The following VPREB3 variants were observed in gnomAD, a reference collection of about 807,000 sequenced individuals.
VPREB3 encodes the protein pre-B lymphocyte protein 3.
A neutral mutation model predicts 12.9 loss-of-function variants in VPREB3; 14 were observed. The ratio of observed to expected loss-of-function variants is 1.09; its 90% CI spans 0.72 to 1.70. The LOEUF is 1.70. Among genes scored for constraint, VPREB3 ranks in the 40% most tolerant of loss-of-function variants. The pLI is 0.00. For synonymous variants in VPREB3, 78 were observed against 70.1 expected, an observed-to-expected ratio of 1.11 and a Z score of -0.56; for missense variants, 165 against 159.6, an observed-to-expected ratio of 1.03 and a Z score of -0.18.
intron 1 of VPREB3, among the ~76,000 whole-genome samples, chr22:23,753,790 T>G: frequency 6.6e-6 from 1 of 152,118 alleles, no homozygotes; most frequent in East Asian, 1.9e-4. Flanking sequence ...GCTCTAGTGA[T>G]CTGGTCATTC....
intron 1 of VPREB3, among the ~76,000 whole-genome samples, chr22:23,753,739 C>G (rs1445797084): frequency 6.6e-6 from 1 of 152,186 alleles, no homozygotes; most frequent in Non-Finnish European, 1.5e-5. Flanking sequence ...ATAGCTTCCC[C>G]TGTGAAAAAC....
chr22:23,753,012 CGGTGGT>C lies in VPREB3; in HGVS notation c.230_235del (p.His77_His78del), dbSNP rs1569137832. On this transcript the variant is annotated inframe_deletion, in exon 2 of 2. Coordinates refer to ENST00000248948, the MANE Select transcript of VPREB3 (RefSeq NM_013378.3). ...GAATCGATCGGGGATGTCAGCAGGC[CGGTGGT>C]GATCCTCCTCCGAGCGGTAGTAGAG... The C allele has an allele frequency of 1.2e-6, 2 of 1,614,020 alleles. No homozygotes were observed. The highest frequency in any genetic ancestry group is 2.7e-5 in the African/African-American group (2 of 74,894).
At chr22:23,753,295 G>A (rs1327004399) in intron 1 of VPREB3, 97 bp from the exon 2 acceptor site, 10 of 1,277,822 alleles carry the variant, frequency 7.8e-6, no homozygotes. Flanking sequence ...AGTCCCAAAG[G>A]GCTCATAGCC....
chr22:23,753,097 C>T lies in VPREB3; in HGVS notation c.151G>A (p.Asp51Asn). 1 of 1,614,112 alleles carries T rather than the reference C, an allele frequency of 6.2e-7. No individual in the cohort carries two copies. Among genetic ancestry groups the T allele is most frequent in the Non-Finnish European group, 8.5e-7 (1 of 1,180,000 alleles). Residue 51 changes from aspartate (D) to asparagine (N), a missense_variant, in exon 2 of 2, where the codon GAC (aspartate) becomes AAC (asparagine). Physicochemically the swap from Asp to Asn is conservative, Grantham distance 23 (BLOSUM62 1). Transcript: ENST00000248948. ...TGCTGGTACCAGGACACACCGTAGTCCCTGATGGTGACGTGCTGGGGGCTG... is the reference window on the plus strand; with the variant it reads ...TGCTGGTACCAGGACACACCGTAGTTCCTGATGGTGACGTGCTGGGGGCTG... ...TLSPQHVTIR[D>N]YGVSWYQQRA...
At chr22:23,753,351 C>A (rs989987602) in intron 1 of VPREB3, among the ~76,000 whole-genome samples, 153 bp from the exon 2 acceptor site, 1 of 152,112 alleles carries the variant, frequency 6.6e-6, no homozygotes, top group Non-Finnish European at 1.5e-5. Flanking sequence ...AGGCCTGGTT[C>A]TGTGTGACTT....
At chr22:23,753,805 A>G (rs1257222782) in intron 1 of VPREB3, among the ~76,000 whole-genome samples, 1 of 152,168 alleles carries the variant, frequency 6.6e-6, no homozygotes, top group Non-Finnish European at 1.5e-5. Context: ...TCATTCACGA[A>G]TGAGAAAACC....
chr22:23,753,199 C>T lies in VPREB3; in HGVS notation c.50-1G>A. On this transcript the variant is annotated splice_acceptor_variant, in intron 1 of 1. Coordinates refer to ENST00000248948, the MANE Select transcript of VPREB3 (RefSeq NM_013378.3). LOFTEE classifies it high-confidence loss of function. ...AGCTGGGCCAGGACTGTCTGGGAAA[C>T]TGCGAGACACAAACCCACTCAGCCT... The T allele has an allele frequency of 6.3e-7, 1 of 1,582,658 alleles. No individual in the cohort carries two copies. The highest frequency in any genetic ancestry group is 8.6e-7 in the Non-Finnish European group (1 of 1,164,362).
Position 23,753,166 on chromosome 22 carries a change from G to A in VPREB3, c.82C>T (p.Leu28=), listed in dbSNP as rs747194296. 1 of 1,608,432 alleles carries A rather than the reference G, an allele frequency of 6.2e-7. No homozygotes were observed. Among genetic ancestry groups the A allele is most frequent in the South Asian group, 1.1e-5 (1 of 90,156 alleles). ...GCCACTTGGCCTGGGAAGACCAGCA[G>A]TGCATCCAGCTGGGCCAGGACTGTC... ...SQTVLAQLDA[L]LVFPGQVAQL... is the part of the protein sequence containing the mutation. Residue 28 remains leucine (L), a synonymous_variant, in exon 2 of 2, where the codon CTG becomes TTG. Coordinates refer to ENST00000248948, the MANE Select transcript of VPREB3 (RefSeq NM_013378.3).
At position 23,753,029 on chromosome 22, in the gene VPREB3, C is replaced by T. The variant is rs763452984; in HGVS notation, c.219G>A (p.Ser73=). The change falls in exon 2 of 2, where the codon TCG becomes TCA. Residue 73 remains serine (S), a synonymous_variant. Coordinates refer to ENST00000248948, the MANE Select transcript of VPREB3 (RefSeq NM_013378.3). ...CAGCAGGCCGGTGGTGATCCTCCTC[C>T]GAGCGGTAGTAGAGGAGATATCGAG... is the stretch of plus-strand genomic sequence containing the variant. ...SAPRYLLYYR[S]EEDHHRPADI... 12 of 1,613,990 alleles carry T rather than the reference C, an allele frequency of 7.4e-6. No homozygotes were observed. Among genetic ancestry groups the T allele is most frequent in the Middle Eastern group, 1.6e-4 (1 of 6,084 alleles).
chr22:23,752,968 C>T lies in VPREB3; in HGVS notation c.280G>A (p.Ala94Thr). 1 of 1,614,124 alleles carries T rather than the reference C, an allele frequency of 6.2e-7. No individual in the cohort carries two copies. Among genetic ancestry groups the T allele is most frequent in the Non-Finnish European group, 8.5e-7 (1 of 1,180,024 alleles). ...ATGGTGAGGACACAGGCATTGTGGG[C>T]CTCATCCTTGGCTGCCGAGAATCGA... ...PDRFSAAKDE[A>T]HNACVLTISP... Residue 94 changes from alanine (A) to threonine (T), a missense_variant, in exon 2 of 2, where the codon GCC becomes ACC. By Grantham distance (58) the Ala-to-Thr change is moderately conservative. Transcript: ENST00000248948.
intron 1 of VPREB3, 60 bp from the exon 2 acceptor site, chr22:23,753,258 G>A (rs1182330889): frequency 6.7e-7 from 1 of 1,488,366 alleles, no homozygotes. Flanking sequence ...CCCTGTGAAG[G>A]CTTGGTTGGA....
Position 23,753,035 on chromosome 22 carries a change from G to A in VPREB3, c.213C>T (p.Tyr71=). ...GCCGGTGGTGATCCTCCTCCGAGCG[G>A]TAGTAGAGGAGATATCGAGGGGCAC... The part of the protein sequence containing the change: ...AGSAPRYLLY[Y]RSEEDHHRPA... The change falls in exon 2 of 2, where the codon TAC becomes TAT. Residue 71 remains tyrosine (Y), a synonymous_variant. Coordinates refer to ENST00000248948, the MANE Select transcript of VPREB3 (RefSeq NM_013378.3). 6.2e-7 allele frequency: 1 copy of A among 1,614,146 alleles called. No homozygotes were observed. Among genetic ancestry groups the A allele is most frequent in the South Asian group, 1.1e-5 (1 of 91,078 alleles).
chr22:23,754,165 A>G (rs1423303803), intron 1 of VPREB3, 150 bp downstream of exon 1: 48 of 743,792 alleles, frequency 6.5e-5, no homozygotes, highest in Non-Finnish European at 9.6e-5. Flanking sequence ...CTGGGCAACA[A>G]GAGCAAAACT....
Position 23,753,052 on chromosome 22 carries a change from G to A in VPREB3, c.196C>T (p.Arg66Ter), listed in dbSNP as rs1013341079. ...WYQQRAGSAPRYLLYYRSEED... is the reference protein window; with the variant it reads ...WYQQRAGSAP ...TCCGAGCGGTAGTAGAGGAGATATC[G>A]AGGGGCACTGCCTGCCCGCTGCTGG... Residue 66 changes from arginine to a stop codon, truncating the protein, a stop_gained, in exon 2 of 2, where the codon CGA (arginine) becomes TGA (stop). Coordinates refer to ENST00000248948, the MANE Select transcript of VPREB3 (RefSeq NM_013378.3). LOFTEE classifies it high-confidence loss of function. 1.5e-5 allele frequency: 24 copies of A among 1,614,044 alleles called. No individual in the cohort carries two copies. The highest frequency in any genetic ancestry group is 1.9e-5 in the Non-Finnish European group (22 of 1,180,030).
At chr22:23,753,261 T>G in intron 1 of VPREB3, 63 bp from the exon 2 acceptor site, 2 of 1,478,544 alleles carry the variant, frequency 1.4e-6, no homozygotes, top group South Asian at 2.7e-5. Flanking sequence ...TGTGAAGGCT[T>G]GGTTGGACTC....
Position 23,752,982 on chromosome 22 carries a change from G to A in VPREB3, c.266C>T (p.Ala89Val). The A allele has an allele frequency of 6.2e-7, 1 of 1,614,154 alleles. No homozygotes were observed. The highest frequency in any genetic ancestry group is 8.5e-7 in the Non-Finnish European group (1 of 1,180,026). The change falls in exon 2 of 2, where the codon GCA becomes GTA. Residue 89 changes from alanine (A) to valine (V), a missense_variant. Physicochemically the swap from Ala to Val is moderately conservative, Grantham distance 64. Transcript: ENST00000248948. ...GGCATTGTGGGCCTCATCCTTGGCT[G>A]CCGAGAATCGATCGGGGATGTCAGC... The part of the protein sequence containing the change: ...RPADIPDRFS[A>V]AKDEAHNACV...
chr22:23,753,075 T>G lies in VPREB3; in HGVS notation c.173A>C (p.Gln58Pro). The G allele has an allele frequency of 6.2e-7, 1 of 1,614,140 alleles. No individual in the cohort carries two copies. The highest frequency in any genetic ancestry group is 8.5e-7 in the Non-Finnish European group (1 of 1,180,006). ...TIRDYGVSWY[Q>P]QRAGSAPRYL... ...TCGAGGGGCACTGCCTGCCCGCTGC[T>G]GGTACCAGGACACACCGTAGTCCCT... is the stretch of plus-strand genomic sequence containing the variant. The change falls in exon 2 of 2, where the codon CAG becomes CCG. Residue 58 changes from glutamine (Q) to proline (P), a missense_variant. Physicochemically the swap from Gln to Pro is moderately conservative, Grantham distance 76. Coordinates refer to ENST00000248948, the MANE Select transcript of VPREB3 (RefSeq NM_013378.3).
At chr22:23,754,229 T>A (rs2145905974) in intron 1 of VPREB3, 86 bp downstream of exon 1, 3 of 1,399,992 alleles carry the variant, frequency 2.1e-6, no homozygotes, top group East Asian at 2.5e-5. Context: ...ACTGTCCCCA[T>A]CGATTTGCCT....
At chr22:23,753,515 T>C (rs1925425309) in intron 1 of VPREB3, among the ~76,000 whole-genome samples, 1 of 152,150 alleles carries the variant, frequency 6.6e-6, no homozygotes. Context: ...GTCCCTCTGC[T>C]ACCCACCCAC....
Sources: gnomAD v4.1 joint callset for allele counts (sites outside exome capture counted in the v4.1 genomes callset) on GRCh38, gnomAD v4.1.1 for gene constraint, MANE v1.5 for transcripts, NCBI Gene and HGNC (gene_info 2026-07-23, HGNC 2026-07-21) for gene names.